ANKAR: variants seen among roughly 807,000 people sequenced by gnomAD.
ANKAR encodes the protein ankyrin and armadillo repeat-containing protein.
Under a neutral mutation model 146.2 loss-of-function variants are expected in ANKAR, and 136 were observed. That is an observed-to-expected ratio of 0.93 (90% confidence interval 0.81 to 1.07). The LOEUF is 1.07. Among genes scored for constraint, ANKAR ranks in the 50% least tolerant of loss-of-function variants. ANKAR has a pLI of 0.00. For synonymous variants in ANKAR, 500 were observed against 575.8 expected (o/e 0.87, Z 1.88); for missense variants, 1,567 against 1,679.9 (o/e 0.93, Z 1.18).
chr2:189,695,452 G>A (rs1172410913), intron 6 of ANKAR, among the ~76,000 whole-genome samples: 1 of 152,146 alleles, frequency 6.6e-6, no homozygotes, highest in South Asian at 2.1e-4. Context: ...TTTAAGGTAC[G>A]ACTAGTTCTA....
chr2:189,698,136 ATT>A (rs1323506380), intron 7 of ANKAR, among the ~76,000 whole-genome samples: 1 of 152,194 alleles, frequency 6.6e-6, no homozygotes, highest in East Asian at 1.9e-4. Flanking sequence ...TAAATAAAGT[ATT>A]TGGTGCATTT....
chr2:189,744,653 A>G, intron 21 of ANKAR, 89 bp from the exon 22 acceptor site: 2 of 869,624 alleles, frequency 2.3e-6, no homozygotes, highest in Admixed American at 2.2e-5. Flanking sequence ...TAAACCTGGT[A>G]CTGTAAGTCT....
At chr2:189,695,604 C>T (rs1345219442) in intron 6 of ANKAR, among the ~76,000 whole-genome samples, 1 of 152,216 alleles carries the variant, frequency 6.6e-6, no homozygotes, top group East Asian at 1.9e-4. Flanking sequence ...CAAATCTCCA[C>T]ATCTGTTTCA....
intron 7 of ANKAR, among the ~76,000 whole-genome samples, chr2:189,700,935 C>G (rs1194062740): frequency 2.0e-5 from 3 of 152,214 alleles, no homozygotes; most frequent in African/African-American, 7.2e-5. Context: ...TCTATCCACT[C>G]ATCTATTGAT....
intron 15 of ANKAR, among the ~76,000 whole-genome samples, chr2:189,730,169 A>G (rs2042276969): frequency 1.3e-5 from 2 of 152,332 alleles, no homozygotes; most frequent in South Asian, 2.1e-4. Flanking sequence ...CAACAGAATT[A>G]TGAACTTAAG....
intron 10 of ANKAR, among the ~76,000 whole-genome samples, chr2:189,715,281 C>A (rs1314019946): frequency 6.6e-6 from 1 of 152,160 alleles, no homozygotes; most frequent in Non-Finnish European, 1.5e-5. Context: ...CACAGAAATA[C>A]ATACTACCAT....
At chr2:189,743,550 A>G (rs534257252) in intron 21 of ANKAR, 76 bp downstream of exon 21, 5 of 1,285,022 alleles carry the variant, frequency 3.9e-6, no homozygotes, top group Non-Finnish European at 5.5e-6. Context: ...GTAAGATCCA[A>G]CAAGAGGAAC....
chr2:189,694,845 T>TA (rs1254661583), intron 5 of ANKAR, 136 bp from the exon 6 acceptor site: 9 of 511,266 alleles, frequency 1.8e-5, no homozygotes, highest in African/African-American at 1.7e-4. Flanking sequence ...TTAATATACT[T>TA]ACAGTTGACT....
At chr2:189,743,050 C>T (rs1454536380) in intron 20 of ANKAR, among the ~76,000 whole-genome samples, 1 of 149,906 alleles carries the variant, frequency 6.7e-6, no homozygotes, top group Non-Finnish European at 1.5e-5. Context: ...TTCTAAAATG[C>T]AGTTAAGACT....
At chr2:189,756,215 A>G (rs755812351) in intron 18 of ANKAR, among the ~76,000 whole-genome samples, 5 of 152,184 alleles carry the variant, frequency 3.3e-5, no homozygotes, top group Admixed American at 1.3e-4. Flanking sequence ...CCTGAAATAC[A>G]GTTTGGGAAT....
chr2:189,712,186 G>T (rs2039793331), intron 10 of ANKAR, among the ~76,000 whole-genome samples: 1 of 152,226 alleles, frequency 6.6e-6, no homozygotes, highest in African/African-American at 2.4e-5. Flanking sequence ...TGAACAAAAG[G>T]CAGCAGAAAA....
downstream of ANKAR, chr2:189,762,790 G>T: frequency 1.0e-6 from 1 of 985,506 alleles, no homozygotes. Context: ...GCCCGGAAGT[G>T]ATGTCATCGG....
At chr2:189,754,077 G>A (rs2045694435) in intron 18 of ANKAR, 1 of 1,612,062 alleles carries the variant, frequency 6.2e-7, no homozygotes, top group African/African-American at 1.3e-5. Flanking sequence ...GCAGAAATGA[G>A]CAGCTATTTT....
chr2:189,760,645 G>C (rs1297589773), intron 18 of ANKAR, among the ~76,000 whole-genome samples: 1 of 151,968 alleles, frequency 6.6e-6, no homozygotes, highest in African/African-American at 2.4e-5. Context: ...CAAAAAATCA[G>C]CTGGGCGTGG....
intron 22 of ANKAR, 115 bp from the exon 23 acceptor site, chr2:189,746,265 C>CTGT: frequency 1.5e-5 from 19 of 1,248,692 alleles, no homozygotes; most frequent in Non-Finnish European, 2.1e-5. Flanking sequence ...AAGTACTGAT[C>CTGT]TGTTCTCTTA....
intron 18 of ANKAR, among the ~76,000 whole-genome samples, chr2:189,755,841 A>G (rs1368599409): frequency 1.3e-5 from 2 of 152,206 alleles, no homozygotes; most frequent in Non-Finnish European, 2.9e-5. Flanking sequence ...AAAGCATTCC[A>G]TACAAGTTTT....
At chr2:189,700,725 T>C (rs2037945356) in intron 7 of ANKAR, among the ~76,000 whole-genome samples, 1 of 152,210 alleles carries the variant, frequency 6.6e-6, no homozygotes, top group African/African-American at 2.4e-5. Context: ...ATACTCTGTA[T>C]CTCCATGAGT....
intron 12 of ANKAR, among the ~76,000 whole-genome samples, chr2:189,725,279 T>TAAACACACACAC (rs2041746299): frequency 6.8e-6 from 1 of 146,466 alleles, no homozygotes; most frequent in Non-Finnish European, 1.5e-5. Context: ...TATGGATTTA[T>TAAACACACACAC]ACACACACAC....
In ANKAR at chr2:189,674,831, G is replaced by GT. The variant is rs1253241244; in HGVS notation, c.-36+2dup. Reference sequence around the variant, plus strand: ...CGGACAAGAAAACAGCCATTCTAGAGTAGGTTCCTCCCCTTTCCTTGTTTT... The same window carrying GT: ...CGGACAAGAAAACAGCCATTCTAGAGTTAGGTTCCTCCCCTTTCCTTGTTTT... On this transcript the variant is annotated splice_donor_variant, in intron 1 of 22. Transcript: ENST00000684021. LOFTEE classifies it low-confidence loss of function (5UTR_SPLICE). 1 of 152,424 alleles carries GT rather than the reference G, an allele frequency of 6.6e-6. No individual in the cohort carries two copies. Among genetic ancestry groups the GT allele is most frequent in the African/African-American group, 2.4e-5 (1 of 41,476 alleles). 9.4% of individuals were successfully genotyped at this position (152,424 alleles called of 1,614,324 possible). A position where few individuals can be genotyped will look rare whatever the true frequency, so the allele number is the denominator to read the frequency against.
Sources: allele counts gnomAD v4.1 joint callset (sites outside exome capture counted in the v4.1 genomes callset), GRCh38; gene constraint gnomAD v4.1.1; transcripts MANE v1.5; gene names NCBI Gene and HGNC (gene_info 2026-07-23, HGNC 2026-07-21).